PHF13: variants seen among roughly 807,000 people sequenced by gnomAD.
PHF13 encodes PHD zinc finger protein PHF5.
In PHF13, 1 loss-of-function variant was observed where a neutral mutation model predicts 25.8. The ratio of observed to expected loss-of-function variants is 0.04; its 90% CI spans 0.01 to 0.18. PHF13 has a LOEUF of 0.18. PHF13 is among the 10% of genes least tolerant of loss of function. The pLI is 1.00. For synonymous variants in PHF13, 195 were observed against 162.4 expected (o/e 1.20, Z -1.53); for missense variants, 306 against 403.2 (o/e 0.76, Z 2.06).
Position 6,619,788 on chromosome 1 carries a change from C to T in PHF13, c.142-15C>T, listed in dbSNP as rs2072948. 489,839 of 1,572,360 alleles carry T rather than the reference C, an allele frequency of 0.31. 79,564 individuals are homozygous for T. Among genetic ancestry groups the T allele is most frequent in the Non-Finnish European group, 0.34 (391,339 of 1,157,152 alleles). On this transcript the variant is annotated splice_polypyrimidine_tract_variant and intron_variant, in intron 2 of 3. Coordinates refer to ENST00000377648, the MANE Select transcript of PHF13 (RefSeq NM_153812.3). ...TGTCACCAGTAACTGGAATCTGCCACCTTTGTCTTTTTAGGAACTCCCTTT... is the reference window on the plus strand; with the variant it reads ...TGTCACCAGTAACTGGAATCTGCCATCTTTGTCTTTTTAGGAACTCCCTTT...
intron 1 of PHF13, chr1:6,614,343 C>G: frequency 2.0e-6 from 1 of 508,692 alleles, no homozygotes; most frequent in Non-Finnish European, 3.4e-6. Context: ...CGCGCCCTTT[C>G]CCCAGGGCCG....
intron 2 of PHF13, among the ~76,000 whole-genome samples, chr1:6,619,582 G>A (rs1456617640): frequency 3.3e-5 from 5 of 152,044 alleles, no homozygotes; most frequent in African/African-American, 7.3e-5. Flanking sequence ...CAGGTGATCC[G>A]CCTGCCTTGG....
chr1:6,616,336 T>C (rs906389999), intron 1 of PHF13, among the ~76,000 whole-genome samples: 2 of 152,178 alleles, frequency 1.3e-5, no homozygotes, highest in African/African-American at 4.8e-5. Flanking sequence ...GAGTGGTTGA[T>C]TTTTGAAATC....
rs1641239957 is a variant in PHF13 at position 6,615,109 on chromosome 1, T to A, written c.39+1004T>A. Among the ~76,000 whole-genome samples, 3 of 149,302 alleles carry A rather than the reference T, an allele frequency of 2.0e-5. No homozygotes were observed. The South Asian group carries it at 6.4e-4, about 32-fold the overall frequency. On this transcript the variant is annotated intron_variant, in intron 1 of 3. Transcript: ENST00000377648. ...AGGGCGGGTGGGGGCCGCTCCGCCA[T>A]CTGCTTTCCGAGGAGGCGGCCGGGG...
At position 6,622,870 on chromosome 1, in the gene PHF13, G is replaced by A. The variant is rs543762246; in HGVS notation, c.*1233G>A. On this transcript the variant is annotated 3_prime_UTR_variant, in exon 4 of 4. Coordinates refer to ENST00000377648, the MANE Select transcript of PHF13 (RefSeq NM_153812.3). ...CGGAGGCTGTGGAAGAACTCTGCTC[G>A]AGGGCAGGGTGCCCTGGAACACTGG... 5 of 152,180 alleles carry A rather than the reference G, an allele frequency of 3.3e-5. No homozygotes were observed. In the South Asian group the frequency reaches 6.2e-4, roughly 19 times the overall value. 9.4% of individuals were successfully genotyped at this position (152,180 alleles called of 1,614,324 possible). A position where few individuals can be genotyped will look rare whatever the true frequency, so the allele number is the denominator to read the frequency against.
In PHF13 at chr1:6,621,894, G is replaced by C. The variant is rs550979484; in HGVS notation, c.*257G>C. 1.1e-4 allele frequency: 60 copies of C among 542,654 alleles called. 1 individual carries two copies. Among genetic ancestry groups the C allele is most frequent in the South Asian group, 1.0e-3 (49 of 47,820 alleles). 33.6% of individuals were successfully genotyped at this position (542,654 alleles called of 1,614,324 possible). A position where few individuals can be genotyped will look rare whatever the true frequency, so the allele number is the denominator to read the frequency against. On this transcript the variant is annotated 3_prime_UTR_variant, in exon 4 of 4. Coordinates refer to ENST00000377648, the MANE Select transcript of PHF13 (RefSeq NM_153812.3). This position sits in a 1 kb window ranked among gnomAD's most constrained non-coding sequence, Gnocchi z 4.8. ...GTGGACTGGACACCCACGTGCAGCG[G>C]GTTTGGCTCATTTGAAAATGAGGGT... is the stretch of plus-strand genomic sequence containing the variant.
intron 2 of PHF13, among the ~76,000 whole-genome samples, chr1:6,617,831 C>T (rs1234408201): frequency 1.3e-5 from 2 of 152,142 alleles, no homozygotes; most frequent in African/African-American, 2.4e-5. Flanking sequence ...TATTTTTTAT[C>T]TCCAGTTTAT....
At chr1:6,614,428 C>G in intron 1 of PHF13, 1 of 346,820 alleles carries the variant, frequency 2.9e-6, no homozygotes, top group Non-Finnish European at 5.3e-6. Flanking sequence ...CGCCCCCAGC[C>G]CCTCCCCGCC....
intron 1 of PHF13, among the ~76,000 whole-genome samples, chr1:6,614,822 C>T (rs1160784485): frequency 1.3e-5 from 2 of 151,346 alleles, no homozygotes; most frequent in Non-Finnish European, 3.0e-5. Flanking sequence ...GCCCTCGGGG[C>T]TCCCGGCCTC....
chr1:6,619,693 A>T, intron 2 of PHF13, 110 bp from the exon 3 acceptor site: 1 of 1,134,040 alleles, frequency 8.8e-7, no homozygotes, highest in Non-Finnish European at 1.3e-6. Flanking sequence ...AGAAGCTCAA[A>T]GTTGTGCAGA....
In PHF13 at chr1:6,620,191, C is replaced by T. The variant is rs757288878; in HGVS notation, c.530C>T (p.Ser177Leu). The T allele has an allele frequency of 2.3e-5, 37 of 1,613,872 alleles. No individual in the cohort carries two copies. The highest frequency in any genetic ancestry group is 6.7e-5 in the Admixed American group (4 of 59,990). ...TCGGGCTGGGACTCCGATACTCCCT[C>T]GAGTGGATCTTGTGCCACTGTGTCA... Reference protein sequence around the residue: ...PCSGWDSDTPSSGSCATVSPD... With the variant: ...PCSGWDSDTPLSGSCATVSPD... Residue 177 changes from serine to leucine, a missense_variant, in exon 3 of 4, where the codon TCG becomes TTG. Physicochemically the swap from Ser to Leu is moderately radical, Grantham distance 145 (BLOSUM62 -2). Transcript: ENST00000377648.
At chr1:6,614,454 T>G in intron 1 of PHF13, 4 of 223,168 alleles carry the variant, frequency 1.8e-5, no homozygotes, top group African/African-American at 2.4e-5. Context: ...GCTTACTCTT[T>G]CCCCGCCCCC....
chr1:6,615,878 G>A (rs1330072769), intron 1 of PHF13, among the ~76,000 whole-genome samples: 1 of 152,096 alleles, frequency 6.6e-6, no homozygotes, highest in African/African-American at 2.4e-5. Flanking sequence ...GAGATAGTTG[G>A]GTGCCTGGCA....
intron 2 of PHF13, among the ~76,000 whole-genome samples, chr1:6,618,518 G>T (rs959732594): frequency 6.6e-6 from 1 of 152,194 alleles, no homozygotes; most frequent in Non-Finnish European, 1.5e-5. Context: ...TGGTCTCCCA[G>T]AGTGCTGGGT....
At chr1:6,616,618 C>A in intron 1 of PHF13, 139 bp from the exon 2 acceptor site, 1 of 689,746 alleles carries the variant, frequency 1.4e-6, no homozygotes, top group Non-Finnish European at 2.6e-6. Flanking sequence ...CTTACCGTAT[C>A]TTGTTTGTGG....
At chr1:6,615,178 G>A (rs1471726331) in intron 1 of PHF13, among the ~76,000 whole-genome samples, 2 of 151,800 alleles carry the variant, frequency 1.3e-5, no homozygotes, top group Non-Finnish European at 2.9e-5. Context: ...GGAACCCCCA[G>A]TCCCCGCGCC....
chr1:6,618,115 A>G (rs1641287476), intron 2 of PHF13, among the ~76,000 whole-genome samples: 1 of 151,760 alleles, frequency 6.6e-6, no homozygotes, highest in Non-Finnish European at 1.5e-5. Flanking sequence ...TTCGTATTCG[A>G]TTAAGCTCAA....
In PHF13 at chr1:6,616,683, A is replaced by G. The variant is rs1010628333; in HGVS notation, c.40-74A>G. On this transcript the variant is annotated intron_variant, in intron 1 of 3. Coordinates refer to ENST00000377648, the MANE Select transcript of PHF13 (RefSeq NM_153812.3). ...TGATTGACTACAAAAGTTCCAGCTT[A>G]CTTCCTTTTGTTTCTGTGATTCCGC... 22 of 1,270,988 alleles carry G rather than the reference A, an allele frequency of 1.7e-5. No homozygotes were observed. The African/African-American group carries it at 2.1e-4, about 12-fold the overall frequency. The allele number at this position is 1,270,988 out of a possible 1,614,324, so 78.7% of individuals were successfully genotyped here. A position where few individuals can be genotyped will look rare whatever the true frequency, so the allele number is the denominator to read the frequency against.
intron 3 of PHF13, among the ~76,000 whole-genome samples, chr1:6,620,582 G>C (rs1017925387): frequency 6.6e-6 from 1 of 150,470 alleles, no homozygotes; most frequent in Non-Finnish European, 1.5e-5. Context: ...ATAGTTCTAA[G>C]TAAGCATCCA....
Sources: gnomAD v4.1 joint callset for allele counts (sites outside exome capture counted in the v4.1 genomes callset) on GRCh38, gnomAD v4.1.1 for gene constraint, Gnocchi (gnomAD v3.1) non-coding constraint, MANE v1.5 for transcripts, NCBI Gene and HGNC (gene_info 2026-07-23, HGNC 2026-07-21) for gene names.